Variants in NRCAM observed in about 807,000 individuals in gnomAD.
NRCAM encodes NgCAM-related cell adhesion molecule.
Under a neutral mutation model 156.5 loss-of-function variants are expected in NRCAM, and 83 were observed. The observed-to-expected ratio is 0.53, with a 90% CI of 0.44 to 0.64. The LOEUF is 0.64. NRCAM is among the 30% of genes least tolerant of loss of function. NRCAM has a pLI of 0.00. For missense variants in NRCAM, 1,417 were observed against 1,597.3 expected (o/e 0.89, Z 1.92); for synonymous variants, 538 against 563.9 (o/e 0.95, Z 0.65).
At chr7:108,190,445 C>T (rs528206038) in intron 19 of NRCAM, among the ~76,000 whole-genome samples, 25 of 152,104 alleles carry the variant, frequency 1.6e-4, no homozygotes, top group Non-Finnish European at 3.5e-4. Context: ...ATCTCTGGCT[C>T]TTAGGGGACC....
chr7:108,346,600 A>G (rs1026693448), intron 2 of NRCAM, among the ~76,000 whole-genome samples: 1 of 152,220 alleles, frequency 6.6e-6, no homozygotes, highest in African/African-American at 2.4e-5. Context: ...TTGTAAATAG[A>G]GGACAAAAAG....
chr7:108,446,642 T>A (rs1009172416), intron 1 of NRCAM, among the ~76,000 whole-genome samples: 1 of 152,140 alleles, frequency 6.6e-6, no homozygotes, highest in Non-Finnish European at 1.5e-5. Context: ...CTTTTCTTTA[T>A]CATGCAGACT....
chr7:108,225,750 G>A lies in NRCAM; in HGVS notation c.722-49C>T, dbSNP rs376744245. ...AGAGGGCATAAAAGTGGGGGAGAAG[G>A]GTCAAAAAGTATTGGGCAATAAAAG... On this transcript the variant is annotated intron_variant, in intron 9 of 32. Transcript: ENST00000379028. The A allele has an allele frequency of 3.5e-6, 4 of 1,152,308 alleles. No homozygotes were observed. The African/African-American group carries it at 4.6e-5, about 13-fold the overall frequency. 71.4% of individuals were successfully genotyped at this position (1,152,308 alleles called of 1,614,324 possible). A position where few individuals can be genotyped will look rare whatever the true frequency, so the allele number is the denominator to read the frequency against.
intron 1 of NRCAM, among the ~76,000 whole-genome samples, chr7:108,419,475 T>A (rs1369237826): frequency 6.6e-6 from 1 of 152,238 alleles, no homozygotes; most frequent in African/African-American, 2.4e-5. Context: ...TAAAGCTGCA[T>A]GTTTCATCAA....
chr7:108,317,535 A>AT (rs993819882), intron 2 of NRCAM, among the ~76,000 whole-genome samples: 1 of 152,166 alleles, frequency 6.6e-6, no homozygotes, highest in African/African-American at 2.4e-5. Context: ...GTGAGAAACT[A>AT]TTTTTCAAGT....
At chr7:108,292,814 A>C (rs1387724056) in intron 3 of NRCAM, among the ~76,000 whole-genome samples, 1 of 152,226 alleles carries the variant, frequency 6.6e-6, no homozygotes, top group Non-Finnish European at 1.5e-5. Flanking sequence ...ATTAGGAAAA[A>C]ATTAGCTGTT....
At chr7:108,237,658 A>G (rs2095193747) in intron 5 of NRCAM, 94 bp downstream of exon 5, 2 of 918,716 alleles carry the variant, frequency 2.2e-6, no homozygotes, top group African/African-American at 1.7e-5. Context: ...GTCACAAAAC[A>G]TGAAATTGTG....
chr7:108,293,243 C>A (rs2300012), intron 3 of NRCAM, among the ~76,000 whole-genome samples: 35,154 of 152,040 alleles, frequency 0.23, 4,613 homozygotes, highest in East Asian at 0.5. Flanking sequence ...ACAACAGTAT[C>A]ATGAAAACTG....
At chr7:108,446,758 C>T (rs1318968557) in intron 1 of NRCAM, among the ~76,000 whole-genome samples, 3 of 148,324 alleles carry the variant, frequency 2.0e-5, no homozygotes, top group South Asian at 4.3e-4. Context: ...GATGGAGTCT[C>T]GCTGTGTTGC....
chr7:108,217,341 A>G (rs1220241822), intron 11 of NRCAM, among the ~76,000 whole-genome samples: 1 of 152,144 alleles, frequency 6.6e-6, no homozygotes, highest in African/African-American at 2.4e-5. Context: ...GCTCTCCTGT[A>G]TGAGGTGTCT....
At chr7:108,241,241 GT>G (rs1186595257) in intron 3 of NRCAM, among the ~76,000 whole-genome samples, 4 of 152,292 alleles carry the variant, frequency 2.6e-5, no homozygotes, top group African/African-American at 9.6e-5. Flanking sequence ...GGAAAGGACT[GT>G]CTCTCTCATC....
chr7:108,195,617 C>CGAG (rs200305396), intron 15 of NRCAM, 144 bp downstream of exon 15: 1,948 of 481,222 alleles, frequency 4.0e-3, no homozygotes, highest in Non-Finnish European at 4.8e-3. Flanking sequence ...CTCTGTCTCA[C>CGAG]AAGAAAAAAA....
At chr7:108,271,207 C>T (rs974356900) in intron 3 of NRCAM, among the ~76,000 whole-genome samples, 4 of 152,134 alleles carry the variant, frequency 2.6e-5, no homozygotes, top group Non-Finnish European at 2.9e-5. Flanking sequence ...TTAAAAATTA[C>T]GGTTTCCAAA....
chr7:108,416,964 C>T (rs753351006), intron 1 of NRCAM, among the ~76,000 whole-genome samples: 1 of 152,218 alleles, frequency 6.6e-6, no homozygotes, highest in Non-Finnish European at 1.5e-5. Flanking sequence ...ACGGACATTA[C>T]AAACACATAT....
chr7:108,422,224 T>C (rs994450354), intron 1 of NRCAM, among the ~76,000 whole-genome samples: 2 of 152,216 alleles, frequency 1.3e-5, no homozygotes, highest in Non-Finnish European at 2.9e-5. Flanking sequence ...AATTCCAACA[T>C]GACTTAATGT....
chr7:108,353,216 C>G (rs534502317), intron 2 of NRCAM, among the ~76,000 whole-genome samples: 1 of 152,304 alleles, frequency 6.6e-6, no homozygotes, highest in East Asian at 1.9e-4. Context: ...CTTTTCTACA[C>G]TGAGCACCAG....
At chr7:108,313,522 T>G (rs144153087) in intron 2 of NRCAM, among the ~76,000 whole-genome samples, 1 of 152,320 alleles carries the variant, frequency 6.6e-6, no homozygotes, top group East Asian at 1.9e-4. Flanking sequence ...TCAGGAACTC[T>G]GGACTGCACT....
intron 1 of NRCAM, among the ~76,000 whole-genome samples, chr7:108,433,694 A>T (rs545155174): frequency 6.6e-6 from 1 of 152,142 alleles, no homozygotes; most frequent in Non-Finnish European, 1.5e-5. Flanking sequence ...CTCTCTGCAC[A>T]TGGGAGCTCC....
chr7:108,177,876 A>G lies in NRCAM; in HGVS notation c.2974+114T>C, dbSNP rs1243294128. 3.5e-6 allele frequency: 3 copies of G among 852,556 alleles called. 1 individual carries two copies. Among genetic ancestry groups the G allele is most frequent in the South Asian group, 4.3e-5 (2 of 46,040 alleles). The allele number at this position is 852,556 out of a possible 1,614,324, so 52.8% of individuals were successfully genotyped here. On this transcript the variant is annotated intron_variant, in intron 26 of 32. Transcript: ENST00000379028. ...TGCGAATTCCCCTGATCTGATCACTATATGTATCGAAACATCACTACGTAC... is the reference window on the plus strand; with the variant it reads ...TGCGAATTCCCCTGATCTGATCACTGTATGTATCGAAACATCACTACGTAC...
Sources: allele counts gnomAD v4.1 joint callset (sites outside exome capture counted in the v4.1 genomes callset), GRCh38; gene constraint gnomAD v4.1.1; transcripts MANE v1.5; gene names NCBI Gene and HGNC (gene_info 2026-07-23, HGNC 2026-07-21).